Variants in DMRT1 observed in about 807,000 individuals in gnomAD.
The protein encoded by DMRT1 is doublesex- and mab-3-related transcription factor 1.
A neutral mutation model predicts 32.3 loss-of-function variants in DMRT1; 7 were observed. That is an observed-to-expected ratio of 0.22 (90% confidence interval 0.12 to 0.41). The LOEUF (loss-of-function observed/expected upper bound fraction) is 0.41. Ranked by LOEUF, DMRT1 falls within the 10% of genes least tolerant of loss-of-function variation. The pLI, the probability that DMRT1 is intolerant of heterozygous loss-of-function variation, is 1.00. For missense variants in DMRT1, 625 were observed against 500.5 expected (o/e 1.25, Z -2.37); for synonymous variants, 278 against 206.1 (o/e 1.35, Z -2.99).
At chr9:938,107 T>G (rs1818946485) in intron 4 of DMRT1, among the ~76,000 whole-genome samples, 1 of 152,200 alleles carries the variant, frequency 6.6e-6, no homozygotes, top group African/African-American at 2.4e-5. Context: ...AGACTCCTTT[T>G]CCCAGTGAGT....
intron 4 of DMRT1, among the ~76,000 whole-genome samples, chr9:946,630 G>A (rs1282033367): frequency 6.6e-6 from 1 of 152,144 alleles, no homozygotes; most frequent in Non-Finnish European, 1.5e-5. Flanking sequence ...CAGAGGTTCC[G>A]GTAAAGAGCC....
chr9:879,709 C>A (rs180723650), intron 2 of DMRT1, among the ~76,000 whole-genome samples: 36 of 152,338 alleles, frequency 2.4e-4, no homozygotes, highest in Admixed American at 2.2e-3. Context: ...ATCTATTCAT[C>A]TGTCTCAGAC....
At chr9:960,745 C>T (rs1819745879) in intron 4 of DMRT1, among the ~76,000 whole-genome samples, 1 of 152,206 alleles carries the variant, frequency 6.6e-6, no homozygotes, top group Non-Finnish European at 1.5e-5. Flanking sequence ...AGGCCTCCCT[C>T]AGCCCTCCTG....
chr9:882,377 C>A (rs1167299083), intron 2 of DMRT1, among the ~76,000 whole-genome samples: 1 of 152,160 alleles, frequency 6.6e-6, no homozygotes, highest in African/African-American at 2.4e-5. Context: ...CCTCGAAGCT[C>A]TTGTTGTGTG....
At chr9:886,367 T>A (rs1586567030) in intron 2 of DMRT1, among the ~76,000 whole-genome samples, 1 of 152,226 alleles carries the variant, frequency 6.6e-6, no homozygotes. Context: ...GCGATTCTCC[T>A]GCCTCAGCCT....
chr9:853,832 G>A (rs761109989), intron 2 of DMRT1, among the ~76,000 whole-genome samples: 1 of 152,026 alleles, frequency 6.6e-6, no homozygotes, highest in Non-Finnish European at 1.5e-5. Flanking sequence ...GTCTCATTCT[G>A]TCTCCCAGGC....
intron 3 of DMRT1, among the ~76,000 whole-genome samples, chr9:908,567 C>T (rs183892532): frequency 3.9e-5 from 6 of 152,220 alleles, no homozygotes; most frequent in Admixed American, 3.9e-4. Context: ...AATTTTGGTT[C>T]TGTTTTTCCA....
At chr9:957,124 C>G (rs550966105) in intron 4 of DMRT1, among the ~76,000 whole-genome samples, 1 of 152,138 alleles carries the variant, frequency 6.6e-6, no homozygotes, top group Non-Finnish European at 1.5e-5. Context: ...CAGTGTTGAT[C>G]GCTGCCATCT....
At chr9:862,892 C>G (rs10815911) in intron 2 of DMRT1, among the ~76,000 whole-genome samples, 79,683 of 151,556 alleles carry the variant, frequency 0.53, 21,581 homozygotes, top group East Asian at 0.65. Context: ...CTAATCCCTG[C>G]AACCTGTGAA....
At chr9:878,045 G>A (rs993069188) in intron 2 of DMRT1, among the ~76,000 whole-genome samples, 2 of 152,200 alleles carry the variant, frequency 1.3e-5, no homozygotes, top group African/African-American at 4.8e-5. Flanking sequence ...ACCACGCTAG[G>A]AGAAATAATT....
chr9:913,386 A>G (rs1320694064), intron 3 of DMRT1, among the ~76,000 whole-genome samples: 2 of 148,772 alleles, frequency 1.3e-5, no homozygotes, highest in South Asian at 2.2e-4. Flanking sequence ...AAGGAAGTCT[A>G]TGGAGACACA....
chr9:913,993 T>A (rs1818082077), intron 3 of DMRT1, among the ~76,000 whole-genome samples: 1 of 152,116 alleles, frequency 6.6e-6, no homozygotes, highest in South Asian at 2.1e-4. Flanking sequence ...ACCAGCAATA[T>A]CAGCATCTCC....
intron 2 of DMRT1, among the ~76,000 whole-genome samples, chr9:851,305 C>T (rs1307435361): frequency 1.3e-5 from 2 of 152,104 alleles, no homozygotes; most frequent in Non-Finnish European, 2.9e-5. Flanking sequence ...GTGGTGCAAT[C>T]TTGGCTCACT....
At chr9:879,511 CA>C (rs1481051341) in intron 2 of DMRT1, among the ~76,000 whole-genome samples, 4 of 152,124 alleles carry the variant, frequency 2.6e-5, no homozygotes, top group Non-Finnish European at 5.9e-5. Context: ...AATGGAAATA[CA>C]GGAAGAAAAT....
chr9:885,109 C>G (rs1317127633), intron 2 of DMRT1, among the ~76,000 whole-genome samples: 8 of 152,230 alleles, frequency 5.3e-5, no homozygotes, highest in Non-Finnish European at 8.8e-5. Flanking sequence ...CCCCACTGCT[C>G]AAGCCTCTAG....
At chr9:872,096 C>CT (rs1816292836) in intron 2 of DMRT1, among the ~76,000 whole-genome samples, 1 of 151,304 alleles carries the variant, frequency 6.6e-6, no homozygotes, top group African/African-American at 2.5e-5. Context: ...GCATCTCACT[C>CT]TGTCACCCAG....
chr9:845,937 C>T (rs924987555), intron 1 of DMRT1, among the ~76,000 whole-genome samples: 1 of 151,858 alleles, frequency 6.6e-6, no homozygotes. Context: ...TGACTTTCTT[C>T]TGTAGGAGTG....
chr9:875,157 G>A (rs1241250580), intron 2 of DMRT1, among the ~76,000 whole-genome samples: 4 of 152,092 alleles, frequency 2.6e-5, no homozygotes, highest in Non-Finnish European at 4.4e-5. Context: ...TGTGCTTGTC[G>A]TTCTGATAAT....
intron 2 of DMRT1, among the ~76,000 whole-genome samples, chr9:855,190 A>G (rs1166022740): frequency 6.6e-6 from 1 of 152,158 alleles, no homozygotes; most frequent in African/African-American, 2.4e-5. Flanking sequence ...TTCTGTGGAT[A>G]GTATTTTAAT....
Sources: gnomAD v4.1 joint callset for allele counts (sites outside exome capture counted in the v4.1 genomes callset) on GRCh38, gnomAD v4.1.1 for gene constraint, MANE v1.5 for transcripts, NCBI Gene and HGNC (gene_info 2026-07-23, HGNC 2026-07-21) for gene names.